The following ITGAL variants were observed in gnomAD, a reference collection of about 807,000 sequenced individuals.
The protein encoded by ITGAL is integrin alpha-L.
ITGAL carries 68 observed loss-of-function variants against 138.4 expected under a neutral mutation model. The observed-to-expected ratio is 0.49, with a 90% CI of 0.40 to 0.60. The LOEUF is 0.60. ITGAL is among the 20% of genes least tolerant of loss of function. ITGAL has a pLI of 0.00. For missense variants in ITGAL, 1,256 were observed against 1,478.6 expected (o/e 0.85, Z 2.47); for synonymous variants, 561 against 584.3 (o/e 0.96, Z 0.57).
intron 1 of ITGAL, chr16:30,473,934 C>T: frequency 1.6e-6 from 1 of 614,920 alleles, no homozygotes; most frequent in Non-Finnish European, 3.0e-6. Flanking sequence ...CTCTCTGGAG[C>T]CTCTAACTTC....
chr16:30,483,103 CTTT>C (rs980869199), intron 7 of ITGAL: 14 of 152,126 alleles, frequency 9.2e-5, no homozygotes, highest in African/African-American at 3.4e-4. Context: ...GTTCTCCCTT[CTTT>C]ATTTTATTTT....
intron 11 of ITGAL, among the ~76,000 whole-genome samples, chr16:30,491,562 G>A (rs906446627): frequency 6.6e-6 from 1 of 152,048 alleles, no homozygotes; most frequent in African/African-American, 2.4e-5. Context: ...TATCACTAGT[G>A]TAGCACTAAG....
At chr16:30,489,696 G>A (rs2050697430) in intron 11 of ITGAL, among the ~76,000 whole-genome samples, 1 of 152,148 alleles carries the variant, frequency 6.6e-6, no homozygotes, top group South Asian at 2.1e-4. Flanking sequence ...AGCAGTTTGG[G>A]AGGCTGAGGC....
chr16:30,518,837 C>A (rs1370458332), intron 29 of ITGAL, 118 bp downstream of exon 29: 3 of 747,032 alleles, frequency 4.0e-6, no homozygotes, highest in African/African-American at 1.8e-5. Flanking sequence ...CTTCCCACTG[C>A]CAGAGCCATC....
At chr16:30,511,227 G>C (rs2051087237) in intron 24 of ITGAL, 91 bp downstream of exon 24, 2 of 963,212 alleles carry the variant, frequency 2.1e-6, no homozygotes, top group South Asian at 2.6e-5. Context: ...CTCTCCTTCT[G>C]AACCTCCTTC....
chr16:30,516,598 A>G (rs1209256346), intron 25 of ITGAL, among the ~76,000 whole-genome samples: 1 of 152,100 alleles, frequency 6.6e-6, no homozygotes, highest in Non-Finnish European at 1.5e-5. Context: ...TTCATGGTCT[A>G]GTGGAGATGC....
rs57501055 is a variant in ITGAL at position 30,502,396 on chromosome 16, C to CAAA, written c.2146-1757_2146-1755dup. Among the ~76,000 whole-genome samples the CAAA allele has an allele frequency of 8.7e-3, 697 of 79,898 alleles. 13 individuals carry two copies. Among genetic ancestry groups the CAAA allele is most frequent in the African/African-American group, 0.024 (652 of 27,438 alleles). The allele number at this position is 79,898 out of a possible 152,430, so 52.4% of individuals were successfully genotyped here. A position where few individuals can be genotyped will look rare whatever the true frequency, so the allele number is the denominator to read the frequency against. On this transcript the variant is annotated intron_variant, in intron 17 of 30. Coordinates refer to ENST00000356798, the MANE Select transcript of ITGAL (RefSeq NM_002209.3). ...TGGGCGACAGAGCAAGACTCCATCT[C>CAAA]AAAAAAAAAAAAAAAAAAAAAAAAG... is the stretch of plus-strand genomic sequence containing the variant.
chr16:30,521,440 G>T, intron 30 of ITGAL, 52 bp from the exon 31 acceptor site: 1 of 1,550,238 alleles, frequency 6.5e-7, no homozygotes, highest in Non-Finnish European at 8.8e-7. Flanking sequence ...ATTTTCTTGG[G>T]GCCAAAGTGC....
Position 30,489,252 on chromosome 16 carries a change from A to C in ITGAL, c.1081-2A>C. On this transcript the variant is annotated splice_acceptor_variant, in intron 10 of 30. Coordinates refer to ENST00000356798, the MANE Select transcript of ITGAL (RefSeq NM_002209.3). LOFTEE classifies it high-confidence loss of function. ...GACCCGCTCATCTCCTTCCCTGGGC[A>C]GGGCCATGCAGTCGTGGGGGCAGTA... 6.2e-7 allele frequency: 1 copy of C among 1,614,086 alleles called. No individual in the cohort carries two copies. The highest frequency in any genetic ancestry group is 8.5e-7 in the Non-Finnish European group (1 of 1,179,948).
intron 15 of ITGAL, 80 bp from the exon 16 acceptor site, chr16:30,498,994 T>C: frequency 7.2e-7 from 1 of 1,396,436 alleles, no homozygotes; most frequent in Non-Finnish European, 9.9e-7. Flanking sequence ...TTCTCTGGCT[T>C]TGCTGGCGGG....
intron 21 of ITGAL, chr16:30,509,569 A>G (rs1197651590): frequency 1.3e-5 from 2 of 151,984 alleles, no homozygotes; most frequent in African/African-American, 4.8e-5. Context: ...TAGTGTTGCA[A>G]TTACCCCCCT....
rs540806820 is a variant in ITGAL at position 30,496,056 on chromosome 16, C to G, written c.1504-41C>G. On this transcript the variant is annotated intron_variant, in intron 13 of 30. Coordinates refer to ENST00000356798, the MANE Select transcript of ITGAL (RefSeq NM_002209.3). ...CACTCAGTTGTTCTGTGACAGCATG[C>G]TGAGTGACTTGGGTGTGACCTGTCT... is the stretch of plus-strand genomic sequence containing the variant. The G allele has an allele frequency of 3.3e-6, 5 of 1,496,018 alleles. No individual in the cohort carries two copies. In the African/African-American group the frequency reaches 6.9e-5, roughly 21 times the overall value. The allele number at this position is 1,496,018 out of a possible 1,614,324, so 92.7% of individuals were successfully genotyped here. A position where few individuals can be genotyped will look rare whatever the true frequency, so the allele number is the denominator to read the frequency against.
At position 30,517,858 on chromosome 16, in the gene ITGAL, A is replaced by G; in HGVS notation, c.3095A>G (p.Gln1032Arg). Reference protein sequence around the residue: ...PVVFRQEILVQVIGTLELVGE... With the variant: ...PVVFRQEILVRVIGTLELVGE... Reference sequence around the variant, plus strand: ...GTCTTCAGGCAGGAGATCCTCGTCCAAGTGATCGGGACTCTGGAGCTGGTG... The same window carrying G: ...GTCTTCAGGCAGGAGATCCTCGTCCGAGTGATCGGGACTCTGGAGCTGGTG... Residue 1032 changes from glutamine (Q) to arginine (R), a missense_variant, in exon 28 of 31, where the codon CAA (glutamine) becomes CGA (arginine). By Grantham distance (43) the Gln-to-Arg change is conservative (BLOSUM62 1). Coordinates refer to ENST00000356798, the MANE Select transcript of ITGAL (RefSeq NM_002209.3). 1.2e-6 allele frequency: 2 copies of G among 1,614,134 alleles called. No individual in the cohort carries two copies. The highest frequency in any genetic ancestry group is 8.5e-7 in the Non-Finnish European group (1 of 1,180,018).
At chr16:30,475,140 A>G in intron 2 of ITGAL, 166 bp from the exon 3 acceptor site, 3 of 578,650 alleles carry the variant, frequency 5.2e-6, no homozygotes, top group Non-Finnish European at 9.5e-6. Flanking sequence ...GCCTCATGCG[A>G]AAGTTACAGG....
intron 25 of ITGAL, among the ~76,000 whole-genome samples, chr16:30,514,455 T>G (rs1184840775): frequency 6.6e-6 from 1 of 152,022 alleles, no homozygotes; most frequent in Non-Finnish European, 1.5e-5. Context: ...TTTTGTATTT[T>G]TAGTAGAGAT....
At chr16:30,497,966 C>T (rs1304636348) in intron 15 of ITGAL, among the ~76,000 whole-genome samples, 2 of 150,640 alleles carry the variant, frequency 1.3e-5, no homozygotes, top group African/African-American at 2.4e-5. Context: ...ATAAATAGGC[C>T]GGATGCAATG....
intron 28 of ITGAL, 118 bp from the exon 29 acceptor site, chr16:30,518,506 G>A (rs1460139214): frequency 3.0e-6 from 2 of 671,058 alleles, no homozygotes; most frequent in African/African-American, 1.9e-5. Context: ...GTGTAGAGAT[G>A]GGTGCACCCC....
intron 1 of ITGAL, among the ~76,000 whole-genome samples, chr16:30,473,812 A>T (rs2050426533): frequency 6.6e-6 from 1 of 152,156 alleles, no homozygotes; most frequent in African/African-American, 2.4e-5. Context: ...GGGCCCCATG[A>T]CCGCAGGAGA....
In ITGAL at chr16:30,510,383, G is replaced by A. The variant is rs369314558; in HGVS notation, c.2531G>A (p.Ser844Asn). 3.0e-5 allele frequency: 49 copies of A among 1,610,852 alleles called. No homozygotes were observed. Among genetic ancestry groups the A allele is most frequent in the Non-Finnish European group, 3.6e-5 (42 of 1,177,172 alleles). The change falls in exon 22 of 31, where the codon AGC (serine) becomes AAC (asparagine). Residue 844 changes from serine to asparagine, a missense_variant. Around this residue, in one of 3 missense-constraint regions of ITGAL, gnomAD observed 867 missense variants for 972.5 expected, o/e 0.89. Coordinates refer to ENST00000356798, the MANE Select transcript of ITGAL (RefSeq NM_002209.3). The stretch of plus-strand genomic sequence containing the variant: ...CAGCCCCATAGCCAGATACCTGTGA[G>A]CTGCGAGGAGCTTCCTGAAGAGTCC... ...MLKPHSQIPV[S>N]CEELPEESRL...
Sources: allele counts gnomAD v4.1 joint callset (sites outside exome capture counted in the v4.1 genomes callset), GRCh38; gene constraint gnomAD v4.1.1; regional missense constraint gnomAD v4.1.1; transcripts MANE v1.5; gene names NCBI Gene and HGNC (gene_info 2026-07-23, HGNC 2026-07-21).